Variants in ITGA2 observed in about 807,000 individuals in gnomAD.
The protein encoded by ITGA2 is integrin alpha-2.
A neutral mutation model predicts 146.3 loss-of-function variants in ITGA2; 101 were observed. That is an observed-to-expected ratio of 0.69 (90% CI 0.59 to 0.81). The LOEUF (loss-of-function observed/expected upper bound fraction) is 0.81. Among genes scored for constraint, ITGA2 ranks in the 40% least tolerant of loss-of-function variants. The pLI is 0.00. For synonymous variants in ITGA2, 477 were observed against 487.1 expected, an observed-to-expected ratio of 0.98 and a Z score of 0.27; for missense variants, 1,281 against 1,402.7, an observed-to-expected ratio of 0.91 and a Z score of 1.39.
At chr5:53,062,954 A>G in intron 13 of ITGA2, 25 bp downstream of exon 13, 1 of 1,576,036 alleles carries the variant, frequency 6.3e-7, no homozygotes, top group Non-Finnish European at 8.7e-7. Context: ...ATAAACTAAT[A>G]GTTTAATTTG....
intron 2 of ITGA2, among the ~76,000 whole-genome samples, chr5:53,036,288 T>C (rs554892890): frequency 5.9e-5 from 9 of 152,290 alleles, no homozygotes; most frequent in African/African-American, 2.2e-4. Context: ...TTCAAAATTC[T>C]TCTACAATAT....
intron 12 of ITGA2, among the ~76,000 whole-genome samples, chr5:53,062,019 A>G (rs2111965734): frequency 6.6e-6 from 1 of 151,988 alleles, no homozygotes; most frequent in South Asian, 2.1e-4. Context: ...AGTCATTTCT[A>G]AATCCTCAAA....
intron 27 of ITGA2, among the ~76,000 whole-genome samples, chr5:53,083,955 C>T (rs1189778083): frequency 6.6e-6 from 1 of 152,216 alleles, no homozygotes; most frequent in African/African-American, 2.4e-5. Flanking sequence ...CATCACCCTG[C>T]TCTCCTGTTT....
At chr5:53,019,011 C>T (rs554941216) in intron 1 of ITGA2, among the ~76,000 whole-genome samples, 8 of 152,094 alleles carry the variant, frequency 5.3e-5, no homozygotes, top group East Asian at 1.9e-4. Flanking sequence ...TTGCAGTGAG[C>T]GGAGATCGTG....
chr5:53,061,150 C>T, intron 12 of ITGA2, 104 bp downstream of exon 12: 1 of 1,047,740 alleles, frequency 9.5e-7, no homozygotes, highest in Non-Finnish European at 1.5e-6. Flanking sequence ...AGTGCCTACT[C>T]TGTGATTGGC....
At chr5:53,018,735 C>T (rs773706078) in intron 1 of ITGA2, among the ~76,000 whole-genome samples, 1 of 152,114 alleles carries the variant, frequency 6.6e-6, no homozygotes, top group Non-Finnish European at 1.5e-5. Flanking sequence ...TTGAAGAGGT[C>T]ATGTCTAAAA....
intron 16 of ITGA2, among the ~76,000 whole-genome samples, chr5:53,068,508 G>C (rs1377452704): frequency 6.6e-6 from 1 of 151,748 alleles, no homozygotes; most frequent in Non-Finnish European, 1.5e-5. Flanking sequence ...TTCCCTTTTT[G>C]ACTATACTTC....
intron 28 of ITGA2, among the ~76,000 whole-genome samples, chr5:53,089,650 T>C (rs567789188): frequency 4.6e-5 from 7 of 152,230 alleles, no homozygotes; most frequent in Non-Finnish European, 8.8e-5. Context: ...GAAATGGAAG[T>C]TTCTATTTCA....
At chr5:53,055,795 T>C in intron 8 of ITGA2, 107 bp downstream of exon 8, 4 of 1,371,438 alleles carry the variant, frequency 2.9e-6, no homozygotes, top group Non-Finnish European at 3.1e-6. Flanking sequence ...TAGTTGAATA[T>C]AAAAGAAAGT....
At chr5:53,050,798 A>G (rs1744319214) in intron 6 of ITGA2, among the ~76,000 whole-genome samples, 1 of 152,152 alleles carries the variant, frequency 6.6e-6, no homozygotes, top group South Asian at 2.1e-4. Context: ...CTCCAGTGGC[A>G]TTTTCTCTGA....
intron 1 of ITGA2, 85 bp downstream of exon 1, chr5:52,989,617 G>C: frequency 6.9e-7 from 1 of 1,443,928 alleles, no homozygotes; most frequent in Non-Finnish European, 9.7e-7. Flanking sequence ...GGCGGAACTA[G>C]GGAGCGAGCT....
intron 29 of ITGA2, among the ~76,000 whole-genome samples, 195 bp from the exon 30 acceptor site, chr5:53,090,324 C>T (rs1303677047): frequency 1.3e-5 from 2 of 152,144 alleles, no homozygotes; most frequent in African/African-American, 2.4e-5. Context: ...TAGCTTTATG[C>T]AATGCAGCTG....
intron 7 of ITGA2, among the ~76,000 whole-genome samples, chr5:53,052,048 C>G (rs1744394636): frequency 6.6e-6 from 1 of 152,048 alleles, no homozygotes; most frequent in Admixed American, 6.6e-5. Flanking sequence ...CTCAATTTCT[C>G]TATTTTCTCA....
intron 7 of ITGA2, 54 bp from the exon 8 acceptor site, chr5:53,055,484 C>T: frequency 6.5e-7 from 1 of 1,534,358 alleles, no homozygotes; most frequent in South Asian, 1.1e-5. Flanking sequence ...CAGAGGTTCT[C>T]ATATTAACTT....
intron 2 of ITGA2, among the ~76,000 whole-genome samples, chr5:53,040,764 T>A: frequency 6.6e-6 from 1 of 152,206 alleles, no homozygotes; most frequent in Non-Finnish European, 1.5e-5. Flanking sequence ...AACTATTAAC[T>A]TTCAAAATAA....
chr5:53,017,720 G>C (rs999914346), intron 1 of ITGA2, among the ~76,000 whole-genome samples: 2 of 152,184 alleles, frequency 1.3e-5, no homozygotes, highest in Non-Finnish European at 2.9e-5. Flanking sequence ...GTATTCCTGT[G>C]TGCATTCATG....
At chr5:53,078,194 G>T (rs1001726150) in intron 23 of ITGA2, among the ~76,000 whole-genome samples, 5 of 152,170 alleles carry the variant, frequency 3.3e-5, no homozygotes, top group Admixed American at 2.0e-4. Flanking sequence ...CATCTTAAAG[G>T]TGGTCTCTAC....
At chr5:52,992,424 C>T (rs1401389037) in intron 1 of ITGA2, among the ~76,000 whole-genome samples, 1 of 152,184 alleles carries the variant, frequency 6.6e-6, no homozygotes, top group Non-Finnish European at 1.5e-5. Context: ...TCCAGCTAGA[C>T]AGTCTGTAAG....
At position 53,017,656 on chromosome 5, in the gene ITGA2, G is replaced by A. The variant is rs528131972; in HGVS notation, c.65-9092G>A. 3.9e-5 allele frequency among the ~76,000 whole-genome samples: 6 copies of A among 152,326 alleles called. No homozygotes were observed. The South Asian group carries it at 6.2e-4, about 16-fold the overall frequency. ...AGCAGGGTGGCAGCAACCTGCTGGCGGTGCATGGTAGCAGTACAGCAGGGG... is the reference window on the plus strand; with the variant it reads ...AGCAGGGTGGCAGCAACCTGCTGGCAGTGCATGGTAGCAGTACAGCAGGGG... On this transcript the variant is annotated intron_variant, in intron 1 of 29. Transcript: ENST00000296585.
Sources: allele counts gnomAD v4.1 joint callset (sites outside exome capture counted in the v4.1 genomes callset), GRCh38; gene constraint gnomAD v4.1.1; transcripts MANE v1.5; gene names NCBI Gene and HGNC (gene_info 2026-07-23, HGNC 2026-07-21).